Variants in ZBTB20 observed in about 807,000 individuals in gnomAD.
ZBTB20 encodes the protein zinc finger and BTB domain-containing protein 20.
ZBTB20 carries 9 observed loss-of-function variants against 56.9 expected under a neutral mutation model. The ratio of observed to expected loss-of-function variants is 0.16; its 90% CI spans 0.10 to 0.28. The LOEUF (loss-of-function observed/expected upper bound fraction) is 0.28, where lower values mean the gene tolerates loss of function less well. Among genes scored for constraint, ZBTB20 ranks in the 10% least tolerant of loss-of-function variants. The probability of loss-of-function intolerance (pLI) is 1.00; values close to 1 mark genes in which losing one functional copy is unlikely to be tolerated. For missense variants in ZBTB20, 655 were observed against 1,003.0 expected (o/e 0.65, Z 4.69); for synonymous variants, 417 against 420.7 (o/e 0.99, Z 0.11).
At chr3:114,908,926 AGGAGATAT>A in intron 3 of ZBTB20, among the ~76,000 whole-genome samples, 1 of 151,962 alleles carries the variant, frequency 6.6e-6, no homozygotes, top group Non-Finnish European at 1.5e-5. Context: ...TAAAAAGATT[AGGAGATAT>A]AAATGACAAA....
At chr3:114,604,090 A>G (rs2056963683) in intron 6 of ZBTB20, among the ~76,000 whole-genome samples, 1 of 152,128 alleles carries the variant, frequency 6.6e-6, no homozygotes, top group African/African-American at 2.4e-5. Flanking sequence ...AATGATTTAT[A>G]TATAAGGTTG....
chr3:115,101,817 C>T (rs2083593275), intron 1 of ZBTB20, among the ~76,000 whole-genome samples: 1 of 152,048 alleles, frequency 6.6e-6, no homozygotes, highest in Non-Finnish European at 1.5e-5. Context: ...TATTAACATG[C>T]TTCAAAAATT....
intron 6 of ZBTB20, among the ~76,000 whole-genome samples, chr3:114,578,884 T>C (rs1305117182): frequency 6.6e-6 from 1 of 151,686 alleles, no homozygotes; most frequent in Non-Finnish European, 1.5e-5. Flanking sequence ...TATTAGTAAA[T>C]ATAATTAAGC....
At chr3:114,480,531 G>A (rs952675055) in intron 7 of ZBTB20, among the ~76,000 whole-genome samples, 5 of 152,158 alleles carry the variant, frequency 3.3e-5, no homozygotes, top group Non-Finnish European at 7.4e-5. Context: ...TGATGCACAC[G>A]TTTGCTGATA....
intron 6 of ZBTB20, among the ~76,000 whole-genome samples, chr3:114,501,687 T>C (rs1172658985): frequency 5.4e-5 from 8 of 149,134 alleles, no homozygotes; most frequent in Admixed American, 4.7e-4. Flanking sequence ...CTGCCCATCA[T>C]TGTGCTTTGT....
intron 6 of ZBTB20, among the ~76,000 whole-genome samples, chr3:114,666,288 T>C (rs776364189): frequency 2.0e-5 from 3 of 152,066 alleles, no homozygotes; most frequent in Non-Finnish European, 4.4e-5. Context: ...AATGATTTGA[T>C]TTCCTTGCCT....
At chr3:114,449,163 A>G (rs2091450419) in intron 7 of ZBTB20, among the ~76,000 whole-genome samples, 1 of 152,218 alleles carries the variant, frequency 6.6e-6, no homozygotes, top group African/African-American at 2.4e-5. Flanking sequence ...AGCATTGCAC[A>G]TCAATAAGTA....
intron 4 of ZBTB20, among the ~76,000 whole-genome samples, chr3:114,813,185 C>CT (rs1316701796): frequency 6.6e-6 from 1 of 152,250 alleles, no homozygotes; most frequent in Non-Finnish European, 1.5e-5. Context: ...GCAGCCAGGA[C>CT]TGTGAGGACT....
intron 7 of ZBTB20, among the ~76,000 whole-genome samples, chr3:114,401,022 TG>T (rs2086772637): frequency 2.7e-5 from 4 of 150,638 alleles, no homozygotes; most frequent in Admixed American, 2.6e-4. Flanking sequence ...ACATAACCCC[TG>T]GTAACTGAAC....
At chr3:114,957,106 T>C (rs915183427) in intron 3 of ZBTB20, among the ~76,000 whole-genome samples, 1 of 152,180 alleles carries the variant, frequency 6.6e-6, no homozygotes, top group Non-Finnish European at 1.5e-5. Context: ...ATTTGGACAA[T>C]AGTTACACAT....
At chr3:114,695,420 G>T (rs535982089) in intron 5 of ZBTB20, among the ~76,000 whole-genome samples, 1 of 152,054 alleles carries the variant, frequency 6.6e-6, no homozygotes, top group East Asian at 1.9e-4. Context: ...CACACATCGA[G>T]ATTTGAAAGG....
At chr3:115,016,001 T>G (rs2079939188) in intron 2 of ZBTB20, among the ~76,000 whole-genome samples, 1 of 152,004 alleles carries the variant, frequency 6.6e-6, no homozygotes, top group African/African-American at 2.4e-5. Context: ...GACTGTTTAA[T>G]AATTGCCATT....
chr3:114,502,256 G>C (rs1212598844), intron 6 of ZBTB20, among the ~76,000 whole-genome samples: 1 of 152,150 alleles, frequency 6.6e-6, no homozygotes, highest in African/African-American at 2.4e-5. Flanking sequence ...AGATCAAGTA[G>C]AAGGACCTGA....
chr3:114,771,809 TG>T (rs1446391817), intron 5 of ZBTB20, among the ~76,000 whole-genome samples: 11 of 152,328 alleles, frequency 7.2e-5, no homozygotes, highest in African/African-American at 2.6e-4. Flanking sequence ...TATCTAAAGA[TG>T]TATTTCTGGT....
chr3:114,438,467 C>T (rs1447133029), intron 7 of ZBTB20, among the ~76,000 whole-genome samples: 1 of 150,312 alleles, frequency 6.7e-6, no homozygotes, highest in African/African-American at 2.4e-5. Context: ...TTGGCTGAGA[C>T]AGCTATAGAG....
intron 1 of ZBTB20, among the ~76,000 whole-genome samples, chr3:115,107,796 G>A (rs1187785382): frequency 6.6e-6 from 1 of 152,174 alleles, no homozygotes; most frequent in East Asian, 1.9e-4. Flanking sequence ...ATACACCATG[G>A]AATACTATGC....
At chr3:115,060,790 T>A (rs1369537856) in intron 2 of ZBTB20, among the ~76,000 whole-genome samples, 3 of 152,164 alleles carry the variant, frequency 2.0e-5, no homozygotes, top group Admixed American at 2.0e-4. Flanking sequence ...TTTTCTTAGC[T>A]AACAACCCAG....
chr3:114,768,378 C>T (rs1452316001), intron 5 of ZBTB20, among the ~76,000 whole-genome samples: 1 of 151,886 alleles, frequency 6.6e-6, no homozygotes, highest in African/African-American at 2.4e-5. Context: ...CTACATTACT[C>T]CCTGTTAACT....
chr3:114,856,148 C>T (rs181127489), intron 4 of ZBTB20, among the ~76,000 whole-genome samples: 1 of 152,092 alleles, frequency 6.6e-6, no homozygotes, highest in Non-Finnish European at 1.5e-5. Context: ...TACTAAGTGA[C>T]GTCTAAGAGC....
Sources: allele counts gnomAD v4.1 joint callset (sites outside exome capture counted in the v4.1 genomes callset), GRCh38; gene constraint gnomAD v4.1.1; transcripts MANE v1.5; gene names NCBI Gene and HGNC (gene_info 2026-07-23, HGNC 2026-07-21).